PHEX: variants seen among roughly 807,000 people sequenced by gnomAD.
PHEX encodes the protein phosphate-regulating neutral endopeptidase PHEX.
Under a neutral mutation model 68.0 loss-of-function variants are expected in PHEX, and 16 were observed. That is an observed-to-expected ratio of 0.24 (90% confidence interval 0.16 to 0.36). The LOEUF is 0.36. Ranked by LOEUF, PHEX falls within the 10% of genes least tolerant of loss-of-function variation. The pLI, the probability that PHEX is intolerant of heterozygous loss-of-function variation, is 1.00. For missense variants in PHEX, 480 were observed against 575.5 expected, an observed-to-expected ratio of 0.83 and a Z score of 1.70; for synonymous variants, 208 against 205.1, an observed-to-expected ratio of 1.01 and a Z score of -0.12.
At chrX:22,177,397 C>T (rs1933743459) in intron 13 of PHEX, among the ~76,000 whole-genome samples, 1 of 110,625 alleles carries the variant, frequency 9.0e-6, no homozygotes, top group African/African-American at 3.3e-5. Context: ...ATTTAAAAAC[C>T]CAAGCATTGG....
chrX:22,066,717 T>G (rs1355507620), intron 3 of PHEX, among the ~76,000 whole-genome samples: 4 of 112,166 alleles, frequency 3.6e-5, no homozygotes, highest in Non-Finnish European at 7.5e-5. Flanking sequence ...CCACACATTG[T>G]GGTTTGAACA....
chrX:22,080,892 C>T (rs765855836), intron 5 of PHEX, among the ~76,000 whole-genome samples: 31 of 111,722 alleles, frequency 2.8e-4, no homozygotes, highest in Non-Finnish European at 5.5e-4. Context: ...TCGTCATTGA[C>T]GTTCAAATGA....
At chrX:22,125,008 C>G (rs1169960986) in intron 11 of PHEX, among the ~76,000 whole-genome samples, 1 of 111,830 alleles carries the variant, frequency 8.9e-6, no homozygotes, top group African/African-American at 3.2e-5. Flanking sequence ...ATATAGGTCA[C>G]TTTTTACTTA....
At chrX:22,222,317 C>G (rs1247486876) in intron 18 of PHEX, among the ~76,000 whole-genome samples, 1 of 111,724 alleles carries the variant, frequency 9.0e-6, no homozygotes, top group African/African-American at 3.3e-5. Context: ...TGTGAAAATT[C>G]ATCTGGAGTA....
intron 3 of PHEX, among the ~76,000 whole-genome samples, chrX:22,055,612 A>G (rs1030380725): frequency 1.8e-5 from 2 of 110,958 alleles, no homozygotes; most frequent in Admixed American, 1.9e-4. Flanking sequence ...CCCAGGCTAG[A>G]GTGCACTGGC....
intron 1 of PHEX, among the ~76,000 whole-genome samples, chrX:22,037,579 G>A (rs1363672274): frequency 8.9e-6 from 1 of 111,832 alleles, no homozygotes; most frequent in Non-Finnish European, 1.9e-5. Flanking sequence ...AATGTTGCCA[G>A]GCAGATGGAG....
At chrX:22,180,649 TTTAG>T (rs1194682229) in intron 14 of PHEX, among the ~76,000 whole-genome samples, 3 of 111,623 alleles carry the variant, frequency 2.7e-5, no homozygotes, top group Non-Finnish European at 5.6e-5. Flanking sequence ...ATTATACAGT[TTTAG>T]TTATTTTTAA....
At chrX:22,193,436 TTTTTG>T (rs1468634647) in intron 15 of PHEX, among the ~76,000 whole-genome samples, 2 of 111,033 alleles carry the variant, frequency 1.8e-5, no homozygotes, top group Non-Finnish European at 3.8e-5. Context: ...GGGTTTATCA[TTTTTG>T]TTTTGTTTTT....
At chrX:22,123,226 C>T (rs1489447061) in intron 11 of PHEX, among the ~76,000 whole-genome samples, 4 of 109,590 alleles carry the variant, frequency 3.6e-5, no homozygotes, top group South Asian at 4.0e-4. Flanking sequence ...TGAGCTTAAG[C>T]GATCTGCCCG....
chrX:22,217,954 T>C (rs1935144518), intron 16 of PHEX, among the ~76,000 whole-genome samples: 1 of 110,715 alleles, frequency 9.0e-6, no homozygotes, highest in Admixed American at 9.6e-5. Flanking sequence ...TTCTGTAATT[T>C]GGGCAGGACT....
At chrX:22,189,831 T>C (rs142873903) in intron 14 of PHEX, among the ~76,000 whole-genome samples, 2,667 of 112,269 alleles carry the variant, frequency 0.024, 73 homozygotes, top group African/African-American at 0.081. Flanking sequence ...GATGTCCTAA[T>C]GCAATGCCTT....
At chrX:22,037,455 T>C (rs1173858905) in intron 1 of PHEX, among the ~76,000 whole-genome samples, 1 of 111,628 alleles carries the variant, frequency 9.0e-6, no homozygotes, top group South Asian at 3.8e-4. Context: ...CAGAATTTCC[T>C]CAGCTACTAC....
At chrX:22,219,209 A>T in intron 17 of PHEX, 106 bp downstream of exon 17, 1 of 587,959 alleles carries the variant, frequency 1.7e-6, no homozygotes, top group Non-Finnish European at 2.9e-6. Flanking sequence ...CATAGCTTGA[A>T]GATTATCCAA....
chrX:22,096,183 C>T (rs1033741679), intron 7 of PHEX, among the ~76,000 whole-genome samples: 1 of 111,809 alleles, frequency 8.9e-6, no homozygotes, highest in Non-Finnish European at 1.9e-5. Flanking sequence ...AAAGTCATGA[C>T]GTGATTGAGG....
At chrX:22,100,220 C>T (rs1405089784) in intron 9 of PHEX, among the ~76,000 whole-genome samples, 1 of 111,895 alleles carries the variant, frequency 8.9e-6, no homozygotes, top group Non-Finnish European at 1.9e-5. Flanking sequence ...GCAGCATCAC[C>T]TCGGGTGCTT....
intron 17 of PHEX, among the ~76,000 whole-genome samples, chrX:22,219,744 G>A (rs1280525061): frequency 1.8e-5 from 2 of 111,006 alleles, no homozygotes; most frequent in African/African-American, 3.3e-5. Flanking sequence ...TCAGCCTCCC[G>A]AGTAGCTGGG....
intron 11 of PHEX, among the ~76,000 whole-genome samples, chrX:22,119,819 A>G (rs1302397436): frequency 1.9e-5 from 2 of 107,587 alleles, no homozygotes; most frequent in Non-Finnish European, 3.8e-5. Flanking sequence ...CTGGTCTTGA[A>G]CTCCTGACTT....
intron 9 of PHEX, among the ~76,000 whole-genome samples, chrX:22,101,271 C>A (rs781547417): frequency 8.9e-6 from 1 of 112,444 alleles, no homozygotes; most frequent in Non-Finnish European, 1.9e-5. Flanking sequence ...TTGTGTTCTG[C>A]GTATTCTTGT....
intron 11 of PHEX, among the ~76,000 whole-genome samples, chrX:22,118,327 T>C (rs1336036926): frequency 1.2e-5 from 1 of 83,302 alleles, no homozygotes; most frequent in African/African-American, 5.7e-5. Context: ...TTCATTTGTT[T>C]GTAAACAGCA....
Sources: allele counts gnomAD v4.1 joint callset (sites outside exome capture counted in the v4.1 genomes callset), GRCh38; gene constraint gnomAD v4.1.1; transcripts MANE v1.5; gene names NCBI Gene and HGNC (gene_info 2026-07-23, HGNC 2026-07-21).